The following CADPS variants were observed in gnomAD, a reference collection of about 807,000 sequenced individuals.
The protein encoded by CADPS is calcium dependent secretion activator, also known as calcium-dependent secretion activator 1.
A neutral mutation model predicts 167.3 loss-of-function variants in CADPS; 57 were observed. The ratio of observed to expected loss-of-function variants is 0.34; its 90% confidence interval spans 0.28 to 0.42. The LOEUF (loss-of-function observed/expected upper bound fraction) is 0.42. CADPS is among the 20% of genes least tolerant of loss of function. CADPS has a pLI of 1.00. For synonymous variants in CADPS, 676 were observed against 635.3 expected (o/e 1.06, Z -0.96); for missense variants, 1,414 against 1,738.1 (o/e 0.81, Z 3.32).
In CADPS at chr3:62,520,814, C is replaced by G. The variant is rs114095703; in HGVS notation, c.2292-2564G>C. On this transcript the variant is annotated intron_variant, in intron 13 of 29. Transcript: ENST00000383710. ...CAAAGATCATAGGTTGTAACCAGGT[C>G]AGTTAAAAAGCAAAAGGATCCCTTT... Among the ~76,000 whole-genome samples the G allele has an allele frequency of 6.4e-3, 967 of 152,272 alleles. 10 individuals carry two copies. The highest frequency in any genetic ancestry group is 0.022 in the African/African-American group (929 of 41,556).
intron 18 of CADPS, among the ~76,000 whole-genome samples, chr3:62,494,311 T>G (rs2064258832): frequency 6.6e-6 from 1 of 152,170 alleles, no homozygotes; most frequent in Non-Finnish European, 1.5e-5. Context: ...CCCCCAGAAC[T>G]TTCCCAGACA....
At chr3:62,527,322 C>G (rs552027942) in intron 13 of CADPS, among the ~76,000 whole-genome samples, 3 of 152,282 alleles carry the variant, frequency 2.0e-5, no homozygotes, top group African/African-American at 4.8e-5. Flanking sequence ...TCAGGAGGCT[C>G]TCCTGTGTAT....
intron 11 of CADPS, among the ~76,000 whole-genome samples, chr3:62,545,515 A>G (rs1032394526): frequency 3.3e-5 from 5 of 152,182 alleles, no homozygotes; most frequent in Non-Finnish European, 7.4e-5. Context: ...ACAATGACAC[A>G]CACAAAAAAA....
At chr3:62,547,017 T>C (rs1027325840) in intron 11 of CADPS, among the ~76,000 whole-genome samples, 1 of 152,218 alleles carries the variant, frequency 6.6e-6, no homozygotes, top group Non-Finnish European at 1.5e-5. Flanking sequence ...TTTTTGTAGA[T>C]GCTCAGGCAT....
At chr3:62,872,417 T>TTTG (rs940748116) in intron 1 of CADPS, among the ~76,000 whole-genome samples, 1 of 152,088 alleles carries the variant, frequency 6.6e-6, no homozygotes, top group African/African-American at 2.4e-5. Context: ...ATATATATAT[T>TTTG]TTGTTGTTGT....
rs941229268 is a variant in CADPS at position 62,544,155 on chromosome 3, T to C, written c.1966+5748A>G. Among the ~76,000 whole-genome samples the C allele has an allele frequency of 6.6e-6, 1 of 152,058 alleles. No homozygotes were observed. The highest frequency in any genetic ancestry group is 1.5e-5 in the Non-Finnish European group (1 of 67,980). ...ATTCAGTCTTGTCCTTAATTTCCTG[T>C]TTTTGTGTGTGCTAGTTCCATGTAT... On this transcript the variant is annotated intron_variant, in intron 11 of 29. Coordinates refer to ENST00000383710, the MANE Select transcript of CADPS (RefSeq NM_003716.4). The surrounding 1 kb of genome is among the most constrained non-coding windows in gnomAD (Gnocchi z 4.4).
At chr3:62,716,461 T>A (rs893838589) in intron 3 of CADPS, among the ~76,000 whole-genome samples, 3 of 152,224 alleles carry the variant, frequency 2.0e-5, no homozygotes, top group African/African-American at 7.2e-5. Flanking sequence ...GTTTTGTTTT[T>A]AAAAATGTAA....
At chr3:62,756,616 G>A (rs1433761947) in intron 2 of CADPS, among the ~76,000 whole-genome samples, 1 of 152,190 alleles carries the variant, frequency 6.6e-6, no homozygotes, top group Non-Finnish European at 1.5e-5. Flanking sequence ...TCTGGAACAA[G>A]TGCTATCAAG....
At chr3:62,782,934 A>T (rs1030006589) in intron 1 of CADPS, among the ~76,000 whole-genome samples, 1 of 151,726 alleles carries the variant, frequency 6.6e-6, no homozygotes, top group Admixed American at 6.6e-5. Context: ...TAATTTTTGT[A>T]TTTTTAGTAG....
chr3:62,723,487 A>G (rs2076184556), intron 3 of CADPS, among the ~76,000 whole-genome samples: 1 of 152,176 alleles, frequency 6.6e-6, no homozygotes, highest in African/African-American at 2.4e-5. Context: ...TACATGAGCT[A>G]GACTCTACTA....
chr3:62,402,380 A>C (rs1037384845), intron 29 of CADPS, among the ~76,000 whole-genome samples: 2 of 152,206 alleles, frequency 1.3e-5, no homozygotes, highest in Non-Finnish European at 1.5e-5. Context: ...AAATGTTTTA[A>C]AACCCTCTAT....
chr3:62,833,433 G>A (rs2075416933), intron 1 of CADPS, among the ~76,000 whole-genome samples: 1 of 151,862 alleles, frequency 6.6e-6, no homozygotes. Flanking sequence ...AGGATTACAG[G>A]TGGAAGCCAC....
chr3:62,717,824 T>C (rs6445295), intron 3 of CADPS, among the ~76,000 whole-genome samples: 94,780 of 151,534 alleles, frequency 0.63, 30,188 homozygotes, highest in East Asian at 0.77. Context: ...CTCACCATCA[T>C]TAACTACCTG....
At chr3:62,784,363 G>C (rs993925002) in intron 1 of CADPS, among the ~76,000 whole-genome samples, 4 of 151,972 alleles carry the variant, frequency 2.6e-5, no homozygotes, top group Non-Finnish European at 5.9e-5. Flanking sequence ...CATATGAATT[G>C]CATCTCAGAC....
intron 15 of CADPS, 74 bp downstream of exon 15, chr3:62,516,506 A>G: frequency 8.2e-7 from 1 of 1,222,518 alleles, no homozygotes; most frequent in Non-Finnish European, 1.2e-6. Flanking sequence ...AGGTCATTCA[A>G]CCAAAACATT....
chr3:62,793,755 G>T (rs1484546633), intron 1 of CADPS, among the ~76,000 whole-genome samples: 1 of 152,210 alleles, frequency 6.6e-6, no homozygotes, highest in Non-Finnish European at 1.5e-5. Flanking sequence ...GAATGTGTGT[G>T]TGCGCACGTG....
At chr3:62,768,711 G>A (rs1256139848) in intron 1 of CADPS, among the ~76,000 whole-genome samples, 1 of 152,068 alleles carries the variant, frequency 6.6e-6, no homozygotes, top group Non-Finnish European at 1.5e-5. Context: ...TAGTCTAGGT[G>A]GAGAGGAAAA....
chr3:62,442,230 A>G (rs867261772), intron 27 of CADPS, among the ~76,000 whole-genome samples: 1 of 73,924 alleles, frequency 1.4e-5, no homozygotes, highest in African/African-American at 6.2e-5. Flanking sequence ...TTTTTTTTTG[A>G]GATGGAGTTT....
At chr3:62,474,120 A>T in intron 24 of CADPS, 53 bp downstream of exon 24, 1 of 1,279,664 alleles carries the variant, frequency 7.8e-7, no homozygotes, top group African/African-American at 1.6e-5. Context: ...GTTTTCTTCT[A>T]CATGATCAAT....
Sources: allele counts gnomAD v4.1 joint callset (sites outside exome capture counted in the v4.1 genomes callset), GRCh38; gene constraint gnomAD v4.1.1; non-coding constraint Gnocchi (gnomAD v3.1); transcripts MANE v1.5; gene names NCBI Gene and HGNC (gene_info 2026-07-23, HGNC 2026-07-21).